SDK1: variants seen among roughly 807,000 people sequenced by gnomAD.
The protein encoded by SDK1 is sidekick cell adhesion molecule 1, also known as protein sidekick-1.
A neutral mutation model predicts 245.5 loss-of-function variants in SDK1; 157 were observed. The observed-to-expected ratio is 0.64, with a 90% CI of 0.56 to 0.73. The LOEUF (loss-of-function observed/expected upper bound fraction) is 0.73. Ranked by LOEUF, SDK1 falls within the 30% of genes least tolerant of loss-of-function variation. The pLI is 0.00. For missense variants in SDK1, 3,583 were observed against 3,002.3 expected (o/e 1.19, Z -4.52); for synonymous variants, 1,647 against 1,278.5 (o/e 1.29, Z -6.15).
chr7:4,011,841 C>CTGGGGTTATTCACACAGAACA (rs1785991825), intron 15 of SDK1, among the ~76,000 whole-genome samples: 1 of 152,162 alleles, frequency 6.6e-6, no homozygotes, highest in African/African-American at 2.4e-5. Context: ...GGCTGAGGTG[C>CTGGGGTTATTCACACAGAACA]TGGGGTTATT....
chr7:4,245,090 G>A (rs776753402), intron 43 of SDK1, among the ~76,000 whole-genome samples: 4 of 152,156 alleles, frequency 2.6e-5, no homozygotes, highest in South Asian at 2.1e-4. Flanking sequence ...TTAGAAGCAC[G>A]TCACAGGCCC....
rs35393929 is a variant in SDK1 at position 3,967,341 on chromosome 7, C to A, written c.1453C>A (p.Arg485=). ...VTNIAPVFTQ[R]PVDTTVTDGM... The stretch of plus-strand genomic sequence containing the variant: ...AGATATCGCTCCAGTGTTCACCCAG[C>A]GGCCAGTGGACACCACAGTTACTGA... The change falls in exon 10 of 45, where the codon CGG becomes AGG. Residue 485 remains arginine (R), a synonymous_variant. Coordinates refer to ENST00000404826, the MANE Select transcript of SDK1 (RefSeq NM_152744.4). The A allele has an allele frequency of 6.2e-7, 1 of 1,613,974 alleles. No individual in the cohort carries two copies. Among genetic ancestry groups the A allele is most frequent in the Non-Finnish European group, 8.5e-7 (1 of 1,179,828 alleles).
chr7:3,603,039 A>T (rs977398962), intron 1 of SDK1, among the ~76,000 whole-genome samples: 6 of 152,024 alleles, frequency 3.9e-5, no homozygotes, highest in Admixed American at 3.3e-4. Context: ...CCATTGATCT[A>T]TATCTCTGTT....
intron 5 of SDK1, among the ~76,000 whole-genome samples, chr7:3,908,086 A>G (rs1779018539): frequency 6.6e-6 from 1 of 152,066 alleles, no homozygotes; most frequent in Non-Finnish European, 1.5e-5. Flanking sequence ...TTTAACAAAC[A>G]TTTATTGAGT....
intron 1 of SDK1, among the ~76,000 whole-genome samples, chr7:3,578,639 C>G (rs145485595): frequency 6.6e-6 from 1 of 151,958 alleles, no homozygotes; most frequent in South Asian, 2.1e-4. Context: ...GAATGCAATT[C>G]TTATCTTAGG....
intron 1 of SDK1, among the ~76,000 whole-genome samples, chr7:3,478,533 G>A (rs1306530942): frequency 1.3e-5 from 2 of 151,712 alleles, no homozygotes; most frequent in Admixed American, 6.6e-5. Context: ...TTTTAAAGTT[G>A]CATATTCAGT....
intron 4 of SDK1, among the ~76,000 whole-genome samples, chr7:3,781,396 C>G (rs1780732453): frequency 6.6e-6 from 1 of 152,098 alleles, no homozygotes. Context: ...ACCAGATGGC[C>G]CTTCCAGAAT....
chr7:3,495,116 C>T (rs1478392844), intron 1 of SDK1, among the ~76,000 whole-genome samples: 1 of 152,058 alleles, frequency 6.6e-6, no homozygotes, highest in Non-Finnish European at 1.5e-5. Context: ...ATCCGTCAGT[C>T]TCTGAAGCTT....
chr7:3,465,942 C>T (rs1000556631), intron 1 of SDK1, among the ~76,000 whole-genome samples: 5 of 152,098 alleles, frequency 3.3e-5, no homozygotes, highest in Non-Finnish European at 4.4e-5. Context: ...AAAAGTGTTG[C>T]TGTAATTTTC....
chr7:3,948,806 G>A (rs1004422027), intron 5 of SDK1, among the ~76,000 whole-genome samples: 2 of 152,174 alleles, frequency 1.3e-5, no homozygotes, highest in South Asian at 2.1e-4. Context: ...CTCCTCAGGC[G>A]TCCTCCCCAG....
At chr7:3,941,168 C>T (rs926344870) in intron 5 of SDK1, among the ~76,000 whole-genome samples, 4 of 151,846 alleles carry the variant, frequency 2.6e-5, no homozygotes, top group African/African-American at 9.7e-5. Flanking sequence ...TGCCTCTGTC[C>T]CTCTCTCCTC....
chr7:3,786,664 T>G (rs1780909746), intron 4 of SDK1, among the ~76,000 whole-genome samples: 1 of 152,210 alleles, frequency 6.6e-6, no homozygotes, highest in African/African-American at 2.4e-5. Context: ...CGATGAATTT[T>G]TATACAGTGA....
chr7:3,313,401 A>G (rs1273293393), intron 1 of SDK1, among the ~76,000 whole-genome samples: 1 of 152,198 alleles, frequency 6.6e-6, no homozygotes, highest in Non-Finnish European at 1.5e-5. Context: ...GCGAGACTCC[A>G]TCTCAAAAGT....
intron 5 of SDK1, among the ~76,000 whole-genome samples, chr7:3,824,513 G>C (rs758831713): frequency 9.2e-5 from 14 of 152,128 alleles, no homozygotes; most frequent in Non-Finnish European, 2.1e-4. Context: ...ATGCAGCCCC[G>C]CCTCTTGTTT....
At chr7:3,561,326 C>G (rs532205987) in intron 1 of SDK1, among the ~76,000 whole-genome samples, 1 of 152,240 alleles carries the variant, frequency 6.6e-6, no homozygotes, top group African/African-American at 2.4e-5. Context: ...AAAAACACAT[C>G]TGAGCTGCTT....
In SDK1 at chr7:4,034,681, A is replaced by G. The variant is rs143569371; in HGVS notation, c.2603-14667A>G. 7.4e-3 allele frequency among the ~76,000 whole-genome samples: 1,129 copies of G among 152,324 alleles called. 19 individuals are homozygous for G. Among genetic ancestry groups the G allele is most frequent in the African/African-American group, 0.025 (1,035 of 41,582 alleles). On this transcript the variant is annotated intron_variant, in intron 17 of 44. Transcript: ENST00000404826. The stretch of plus-strand genomic sequence containing the variant: ...AACTCGACTTTTAGGAGTTTATTCC[A>G]AAAATGAACTTGCAGACAAATGAAA...
At chr7:4,197,402 C>T (rs1404450828) in intron 35 of SDK1, among the ~76,000 whole-genome samples, 4 of 152,146 alleles carry the variant, frequency 2.6e-5, no homozygotes, top group East Asian at 1.9e-4. Flanking sequence ...GTGGGAGGAT[C>T]GCTTGAGCCC....
At chr7:3,577,932 T>C (rs1780346824) in intron 1 of SDK1, among the ~76,000 whole-genome samples, 1 of 152,008 alleles carries the variant, frequency 6.6e-6, no homozygotes, top group Non-Finnish European at 1.5e-5. Context: ...AACCTGGAGC[T>C]CTTAGAGAAA....
intron 4 of SDK1, among the ~76,000 whole-genome samples, chr7:3,669,642 T>C (rs1783634734): frequency 6.6e-6 from 1 of 152,176 alleles, no homozygotes; most frequent in South Asian, 2.1e-4. Context: ...GTCCTAGCAC[T>C]TCACTACCTC....
Sources: allele counts gnomAD v4.1 joint callset (sites outside exome capture counted in the v4.1 genomes callset), GRCh38; gene constraint gnomAD v4.1.1; transcripts MANE v1.5; gene names NCBI Gene and HGNC (gene_info 2026-07-23, HGNC 2026-07-21).